Variants in ZNF831 observed in about 807,000 individuals in gnomAD.
ZNF831 encodes chromosome 20 open reading frame 174.
ZNF831 carries 59 observed loss-of-function variants against 95.8 expected under a neutral mutation model. That is an observed-to-expected ratio of 0.62 (90% CI 0.50 to 0.77). The LOEUF is 0.77. Among genes scored for constraint, ZNF831 ranks in the 30% least tolerant of loss-of-function variants. The pLI, the probability that ZNF831 is intolerant of heterozygous loss-of-function variation, is 0.00. For synonymous variants in ZNF831, 961 were observed against 925.5 expected (o/e 1.04, Z -0.70); for missense variants, 2,205 against 2,164.0 (o/e 1.02, Z -0.38).
At chr20:59,158,508 C>G (rs1980663776) in intron 2 of ZNF831, among the ~76,000 whole-genome samples, 1 of 152,218 alleles carries the variant, frequency 6.6e-6, no homozygotes, top group Non-Finnish European at 1.5e-5. Context: ...TCTGTGCCCA[C>G]TGAACCACAG....
chr20:59,185,836 G>A (rs761923107), intron 1 of ZNF831, among the ~76,000 whole-genome samples: 3 of 152,192 alleles, frequency 2.0e-5, no homozygotes, highest in Non-Finnish European at 4.4e-5. Flanking sequence ...ATCAGGACAG[G>A]AGGCTTGTAC....
chr20:59,168,888 T>C (rs113703016), intron 1 of ZNF831, among the ~76,000 whole-genome samples: 164 of 152,356 alleles, frequency 1.1e-3, no homozygotes, highest in Non-Finnish European at 1.8e-3. Flanking sequence ...TGGATTATAC[T>C]GAATGCATTC....
At chr20:59,185,783 T>C (rs892747083) in intron 1 of ZNF831, among the ~76,000 whole-genome samples, 1 of 152,020 alleles carries the variant, frequency 6.6e-6, no homozygotes, top group Non-Finnish European at 1.5e-5. Context: ...TCTCCCTTCC[T>C]CCCTTCCGTG....
At chr20:59,201,097 C>T (rs1341705813) in intron 3 of ZNF831, among the ~76,000 whole-genome samples, 1 of 152,198 alleles carries the variant, frequency 6.6e-6, no homozygotes, top group Non-Finnish European at 1.5e-5. Context: ...TACATCTCCA[C>T]TATCAGAGTA....
At chr20:59,127,552 C>T (rs889803401) in intron 1 of ZNF831, among the ~76,000 whole-genome samples, 20 of 152,198 alleles carry the variant, frequency 1.3e-4, no homozygotes, top group African/African-American at 4.8e-4. Context: ...ATGGTTGACA[C>T]GTGCTTTCCT....
chr20:59,233,899 A>T (rs1986866379), intron 4 of ZNF831, among the ~76,000 whole-genome samples: 1 of 152,200 alleles, frequency 6.6e-6, no homozygotes, highest in Non-Finnish European at 1.5e-5. Flanking sequence ...GCATGTGCAC[A>T]CAGGCATGCA....
intron 3 of ZNF831, among the ~76,000 whole-genome samples, chr20:59,201,247 CT>C (rs1188264375): frequency 2.6e-5 from 4 of 152,116 alleles, no homozygotes. Flanking sequence ...TATTCAGCAT[CT>C]TTTTTTGTGT....
chr20:59,240,394 CT>C (rs1568790843), intron 4 of ZNF831, among the ~76,000 whole-genome samples: 1 of 152,162 alleles, frequency 6.6e-6, no homozygotes, highest in Admixed American at 6.5e-5. Flanking sequence ...GATGTAAAGG[CT>C]TTTTCTACAC....
chr20:59,182,705 GTGTT>G (rs201454025), intron 1 of ZNF831, among the ~76,000 whole-genome samples: 12,583 of 152,234 alleles, frequency 0.083, 701 homozygotes, highest in Non-Finnish European at 0.12. Context: ...TGCACACTGT[GTGTT>G]TGTTTGTAAA....
chr20:59,244,977 ATACT>A (rs1452497134), intron 4 of ZNF831, among the ~76,000 whole-genome samples: 1 of 152,238 alleles, frequency 6.6e-6, no homozygotes, highest in Non-Finnish European at 1.5e-5. Flanking sequence ...CAATGGTTTT[ATACT>A]TACTTATTTC....
At chr20:59,190,084 C>T (rs372945275) in intron 1 of ZNF831, among the ~76,000 whole-genome samples, 1 of 152,344 alleles carries the variant, frequency 6.6e-6, no homozygotes. Context: ...CAAGCTACTC[C>T]TCCTGGCTTA....
At chr20:59,203,357 A>G (rs1984662326) in intron 3 of ZNF831, among the ~76,000 whole-genome samples, 1 of 152,200 alleles carries the variant, frequency 6.6e-6, no homozygotes, top group South Asian at 2.1e-4. Flanking sequence ...CCCAGGCTGC[A>G]GGGCAGTGGC....
chr20:59,228,783 A>T (rs913288948), intron 4 of ZNF831, among the ~76,000 whole-genome samples: 1 of 152,252 alleles, frequency 6.6e-6, no homozygotes, highest in Non-Finnish European at 1.5e-5. Flanking sequence ...TGGGATTTCC[A>T]TCACCTCAAA....
intron 4 of ZNF831, among the ~76,000 whole-genome samples, chr20:59,212,022 C>G (rs1046477461): frequency 6.6e-6 from 1 of 152,020 alleles, no homozygotes; most frequent in Non-Finnish European, 1.5e-5. Context: ...ACTTTAGATA[C>G]TAATCCTTTT....
chr20:59,253,520 G>GA (rs981760323), intron 5 of ZNF831, among the ~76,000 whole-genome samples: 2 of 151,798 alleles, frequency 1.3e-5, no homozygotes, highest in African/African-American at 4.8e-5. Flanking sequence ...CACTCATCCG[G>GA]AAAAAACCAA....
chr20:59,170,343 A>G (rs1404123727), intron 1 of ZNF831, among the ~76,000 whole-genome samples: 1 of 152,108 alleles, frequency 6.6e-6, no homozygotes, highest in Non-Finnish European at 1.5e-5. Flanking sequence ...TTTTGTTTTC[A>G]CACGTCAGTG....
rs1568736284 is a variant in ZNF831, at chr20:59,169,564, GA to G, written c.-37+5360del. On this transcript the variant is annotated intron_variant, in intron 1 of 5. Coordinates refer to ENST00000371030, the MANE Select transcript of ZNF831 (RefSeq NM_178457.3). The surrounding 1 kb of genome is among the most constrained non-coding windows in gnomAD (Gnocchi z 4.1). ...GTGGATCACTTGAGGCCAGGAGTTC[GA>G]AACCAGCCTGGCCAACGTGGTGAAA... is the stretch of plus-strand genomic sequence containing the variant. Among the ~76,000 whole-genome samples, 2 of 152,130 alleles carry G rather than the reference GA, an allele frequency of 1.3e-5. No homozygotes were observed. The highest frequency in any genetic ancestry group is 2.4e-5 in the African/African-American group (1 of 41,416).
At chr20:59,165,642 C>A (rs568561091) in intron 1 of ZNF831, among the ~76,000 whole-genome samples, 1 of 152,290 alleles carries the variant, frequency 6.6e-6, no homozygotes, top group East Asian at 1.9e-4. Context: ...GGGATTTCTG[C>A]AGAGTGACTT....
At chr20:59,242,564 A>C (rs1437964937) in intron 4 of ZNF831, among the ~76,000 whole-genome samples, 4 of 152,230 alleles carry the variant, frequency 2.6e-5, no homozygotes, top group Non-Finnish European at 4.4e-5. Context: ...AAAGAAAAAC[A>C]AATCTCTAAA....
Sources: allele counts gnomAD v4.1 joint callset (sites outside exome capture counted in the v4.1 genomes callset), GRCh38; gene constraint gnomAD v4.1.1; non-coding constraint Gnocchi (gnomAD v3.1); transcripts MANE v1.5; gene names NCBI Gene and HGNC (gene_info 2026-07-23, HGNC 2026-07-21).